NT5DC3: variants seen among roughly 807,000 people sequenced by gnomAD.
NT5DC3 encodes the protein 5'-nucleotidase domain-containing protein 3.
In NT5DC3, 42 loss-of-function variants were observed where a neutral mutation model predicts 67.8. The ratio of observed to expected loss-of-function variants is 0.62; its 90% CI spans 0.48 to 0.80. The LOEUF (loss-of-function observed/expected upper bound fraction) is 0.80. NT5DC3 is among the 30% of genes least tolerant of loss of function. The probability of loss-of-function intolerance (pLI) is 0.00; values close to 1 mark genes in which losing one functional copy is unlikely to be tolerated. For missense variants in NT5DC3, 570 were observed against 696.4 expected (o/e 0.82, Z 2.04); for synonymous variants, 237 against 255.6 (o/e 0.93, Z 0.69).
chr12:103,779,476 A>G (rs1885459008), intron 13 of NT5DC3, among the ~76,000 whole-genome samples: 3 of 152,218 alleles, frequency 2.0e-5, no homozygotes, highest in Admixed American at 1.3e-4. Flanking sequence ...TCAGACAGCC[A>G]ACACTCTGAG....
At chr12:103,764,477 G>T in the NT5DC3 span, among the ~76,000 whole-genome samples, 4 of 152,252 alleles carry the variant, frequency 2.6e-5, no homozygotes, top group Admixed American at 2.0e-4. Context: ...AATCCAGGGG[G>T]ACCCCTTGGC....
rs959272580 is a variant in NT5DC3, at chr12:103,780,287, A to G, written c.1394+13T>C. 6.2e-7 allele frequency: 1 copy of G among 1,610,600 alleles called. No individual in the cohort carries two copies. The highest frequency in any genetic ancestry group is 8.5e-7 in the Non-Finnish European group (1 of 1,176,882). ...GGTGGTGGACGCGCACATTCAATAC[A>G]GGCCTCTCTTACCGCATCTCCTTCC... On this transcript the variant is annotated intron_variant, in intron 13 of 13. Coordinates refer to ENST00000392876, the MANE Select transcript of NT5DC3 (RefSeq NM_001031701.3).
chr12:103,747,608 CA>C, the NT5DC3 span, among the ~76,000 whole-genome samples: 1 of 152,180 alleles, frequency 6.6e-6, no homozygotes, highest in African/African-American at 2.4e-5. Flanking sequence ...GCTGGAATCT[CA>C]TCATTGGTCA....
At chr12:103,791,226 G>A (rs892792069) in intron 9 of NT5DC3, among the ~76,000 whole-genome samples, 9 of 152,140 alleles carry the variant, frequency 5.9e-5, no homozygotes, top group African/African-American at 2.2e-4. Flanking sequence ...CCAGGGAAAC[G>A]AGTCCAGGAC....
chr12:103,814,762 A>T (rs537998213), intron 2 of NT5DC3, among the ~76,000 whole-genome samples, 175 bp downstream of exon 2: 92 of 152,256 alleles, frequency 6.0e-4, no homozygotes, highest in African/African-American at 2.0e-3. Flanking sequence ...GACTTTTTTT[A>T]AAAAAACTAT....
At chr12:103,837,024 C>A (rs561838342) in intron 1 of NT5DC3, among the ~76,000 whole-genome samples, 1 of 152,226 alleles carries the variant, frequency 6.6e-6, no homozygotes, top group East Asian at 1.9e-4. Flanking sequence ...ATGAGGGCCC[C>A]GTCTCTGCAG....
At chr12:103,838,495 A>T (rs76169521) in intron 1 of NT5DC3, among the ~76,000 whole-genome samples, 15,541 of 152,278 alleles carry the variant, frequency 0.1, 1,133 homozygotes, top group East Asian at 0.27. Flanking sequence ...CCTTATCCAT[A>T]AATCAGGATG....
At chr12:103,758,844 C>T in the NT5DC3 span, among the ~76,000 whole-genome samples, 2 of 152,040 alleles carry the variant, frequency 1.3e-5, no homozygotes, top group Non-Finnish European at 2.9e-5. Context: ...GCCCCACCAG[C>T]CACCTGAGGG....
intron 1 of NT5DC3, among the ~76,000 whole-genome samples, chr12:103,819,021 T>C (rs1339826095): frequency 1.3e-5 from 2 of 152,232 alleles, no homozygotes; most frequent in African/African-American, 2.4e-5. Flanking sequence ...GAAATGGTGT[T>C]GGCAAGAAAG....
chr12:103,840,429 C>G (rs79596501), intron 1 of NT5DC3, among the ~76,000 whole-genome samples: 8 of 82,496 alleles, frequency 9.7e-5, no homozygotes, highest in Admixed American at 5.8e-4. Context: ...TCATTCCATC[C>G]CATTCCATCC....
At chr12:103,815,324 G>A (rs1887204451) in intron 1 of NT5DC3, among the ~76,000 whole-genome samples, 1 of 152,172 alleles carries the variant, frequency 6.6e-6, no homozygotes, top group Non-Finnish European at 1.5e-5. Flanking sequence ...AAATCCATAG[G>A]CACAGAAAGG....
At chr12:103,785,900 T>C (rs1021641734) in intron 11 of NT5DC3, among the ~76,000 whole-genome samples, 2 of 152,038 alleles carry the variant, frequency 1.3e-5, no homozygotes, top group African/African-American at 2.4e-5. Flanking sequence ...ATCTCAGATT[T>C]GGAATGATCA....
At chr12:103,746,799 C>G in the NT5DC3 span, 1 of 1,205,728 alleles carries the variant, frequency 8.3e-7, no homozygotes, top group South Asian at 1.3e-5. Flanking sequence ...AGCCCTCCTT[C>G]CTGTCTGGGC....
intron 12 of NT5DC3, among the ~76,000 whole-genome samples, chr12:103,782,608 C>T (rs1885601626): frequency 6.6e-6 from 1 of 152,198 alleles, no homozygotes; most frequent in South Asian, 2.1e-4. Flanking sequence ...CTAAATGTGG[C>T]CTCTGACTGG....
chr12:103,749,572 G>C, the NT5DC3 span, among the ~76,000 whole-genome samples: 430 of 151,872 alleles, frequency 2.8e-3, 2 homozygotes, highest in Non-Finnish European at 5.1e-3. Flanking sequence ...GCTCACGCCT[G>C]TAATCCCAGT....
At chr12:103,757,651 G>A in the NT5DC3 span, among the ~76,000 whole-genome samples, 3 of 152,182 alleles carry the variant, frequency 2.0e-5, no homozygotes, top group Non-Finnish European at 4.4e-5. Context: ...AGACTTAGGG[G>A]AAGAACATTC....
At chr12:103,756,775 C>T in the NT5DC3 span, among the ~76,000 whole-genome samples, 8 of 151,914 alleles carry the variant, frequency 5.3e-5, no homozygotes, top group Non-Finnish European at 1.0e-4. Flanking sequence ...GACCAAGGAC[C>T]CCAAAATGGA....
At position 103,793,496 on chromosome 12, in the gene NT5DC3, A is replaced by G. The variant is rs765870924; in HGVS notation, c.831T>C (p.Tyr277=). The G allele has an allele frequency of 1.1e-4, 176 of 1,613,112 alleles. No homozygotes were observed. The highest frequency in any genetic ancestry group is 1.4e-4 in the Non-Finnish European group (166 of 1,179,268). Reference sequence around the variant, plus strand: ...CCAACACTGCGCGGGTCTGCTCAGCATAGCAGATGTACTTTTCTAAGAGCA... The same window carrying G: ...CCAACACTGCGCGGGTCTGCTCAGCGTAGCAGATGTACTTTTCTAAGAGCA... ...IEADIEKYIC[Y]AEQTRAVLAK... is the part of the protein sequence containing the mutation. Residue 277 remains tyrosine, a synonymous_variant, in exon 8 of 14, where the codon TAT becomes TAC. Coordinates refer to ENST00000392876, the MANE Select transcript of NT5DC3 (RefSeq NM_001031701.3).
At chr12:103,749,427 GCTATAGT>G in the NT5DC3 span, among the ~76,000 whole-genome samples, 1 of 152,138 alleles carries the variant, frequency 6.6e-6, no homozygotes, top group Non-Finnish European at 1.5e-5. Flanking sequence ...TGACTAATGT[GCTATAGT>G]TATGTTGGAC....
Sources: allele counts gnomAD v4.1 joint callset (sites outside exome capture counted in the v4.1 genomes callset), GRCh38; gene constraint gnomAD v4.1.1; transcripts MANE v1.5; gene names NCBI Gene and HGNC (gene_info 2026-07-23, HGNC 2026-07-21).